The following USP15 variants were observed in gnomAD, a reference collection of about 807,000 sequenced individuals.
USP15 encodes the protein ubiquitin specific peptidase 15, also known as ubiquitin carboxyl-terminal hydrolase 15.
USP15 carries 18 observed loss-of-function variants against 127.1 expected under a neutral mutation model. That is an observed-to-expected ratio of 0.14 (90% CI 0.10 to 0.21). USP15 has a LOEUF of 0.21. Ranked by LOEUF, USP15 falls within the 10% of genes least tolerant of loss-of-function variation. The pLI, the probability that USP15 is intolerant of heterozygous loss-of-function variation, is 1.00. For synonymous variants in USP15, 364 were observed against 393.7 expected, an observed-to-expected ratio of 0.92 and a Z score of 0.89; for missense variants, 805 against 1,159.9, an observed-to-expected ratio of 0.69 and a Z score of 4.44.
chr12:62,300,284 G>C (rs1179718445), intron 2 of USP15, among the ~76,000 whole-genome samples: 2 of 152,094 alleles, frequency 1.3e-5, no homozygotes, highest in East Asian at 1.9e-4. Context: ...AGTTTTGGCT[G>C]TTACATTTAC....
At position 62,411,364 on chromosome 12, in the gene USP15, C is replaced by A. The variant is rs1173828138; in HGVS notation, c.*6989C>A. The stretch of plus-strand genomic sequence containing the variant: ...CTGTTAAGGCCTCTAGAGCTTCATT[C>A]ATTCCTTCATCAAATATTTTTTGAG... On this transcript the variant is annotated 3_prime_UTR_variant, in exon 22 of 22. Transcript: ENST00000280377. 1 of 152,104 alleles carries A rather than the reference C, an allele frequency of 6.6e-6. No individual in the cohort carries two copies. Among genetic ancestry groups the A allele is most frequent in the Non-Finnish European group, 1.5e-5 (1 of 68,028 alleles). The allele number at this position is 152,104 out of a possible 1,614,324, so 9.4% of individuals were successfully genotyped here.
intron 8 of USP15, among the ~76,000 whole-genome samples, chr12:62,366,775 G>A (rs1048366465): frequency 6.6e-6 from 1 of 152,096 alleles, no homozygotes; most frequent in African/African-American, 2.4e-5. Flanking sequence ...GTTGAATTTT[G>A]TCGAAGGCCT....
Position 62,404,359 on chromosome 12 carries a change from G to C in USP15, c.2930G>C (p.Cys977Ser), listed in dbSNP as rs775041246. ...GACAATGATATAGAAAATGAAAACT[G>C]TATGCACACTAACTAATGAAAGTCC... ...DNDNDIENEN[C>S]MHTN Residue 977 changes from cysteine to serine, a missense_variant, in exon 22 of 22, where the codon TGT becomes TCT. Transcript: ENST00000280377. The C allele has an allele frequency of 1.2e-6, 2 of 1,603,780 alleles. No homozygotes were observed. The highest frequency in any genetic ancestry group is 1.7e-6 in the Non-Finnish European group (2 of 1,174,598).
chr12:62,334,052 A>T (rs2065382645), intron 6 of USP15: 2 of 152,170 alleles, frequency 1.3e-5, no homozygotes, highest in South Asian at 4.1e-4. Context: ...CTCCAGCAAA[A>T]GAGGGGGTCG....
At chr12:62,333,347 G>C (rs1195288312) in intron 6 of USP15, among the ~76,000 whole-genome samples, 1 of 152,154 alleles carries the variant, frequency 6.6e-6, no homozygotes, top group African/African-American at 2.4e-5. Context: ...GCTCACTGTA[G>C]CCTCAAATTC....
intron 17 of USP15, 117 bp from the exon 18 acceptor site, chr12:62,392,155 C>G: frequency 1.3e-6 from 1 of 769,078 alleles, no homozygotes; most frequent in Non-Finnish European, 2.1e-6. Flanking sequence ...CTGAAATAAG[C>G]TTTATGATTC....
intron 20 of USP15, 131 bp downstream of exon 20, chr12:62,396,529 A>G (rs758544992): frequency 3.0e-5 from 23 of 756,414 alleles, no homozygotes; most frequent in Non-Finnish European, 8.6e-6. Flanking sequence ...TTCAGTATTG[A>G]TTAATGAATG....
intron 1 of USP15, among the ~76,000 whole-genome samples, chr12:62,284,825 T>G (rs986117064): frequency 2.6e-5 from 4 of 151,126 alleles, no homozygotes; most frequent in African/African-American, 9.7e-5. Flanking sequence ...ATGTTTTAGG[T>G]TTTTTTTTAA....
At chr12:62,358,927 G>A (rs541214233) in intron 8 of USP15, among the ~76,000 whole-genome samples, 1 of 152,166 alleles carries the variant, frequency 6.6e-6, no homozygotes, top group Non-Finnish European at 1.5e-5. Context: ...TATCCCCAAG[G>A]TGGAGAGGGG....
At chr12:62,307,770 A>G (rs888439916) in intron 3 of USP15, among the ~76,000 whole-genome samples, 2 of 152,168 alleles carry the variant, frequency 1.3e-5, no homozygotes, top group Non-Finnish European at 2.9e-5. Flanking sequence ...CATCTTGGTT[A>G]TCAATCTACT....
At chr12:62,383,681 T>TAC in intron 9 of USP15, among the ~76,000 whole-genome samples, 159 bp from the exon 10 acceptor site, 1 of 152,094 alleles carries the variant, frequency 6.6e-6, no homozygotes, top group African/African-American at 2.4e-5. Flanking sequence ...TGAAAATATC[T>TAC]ACAAATGACC....
In USP15 at chr12:62,393,061, C is replaced by T. The variant is rs778646172; in HGVS notation, c.2429C>T (p.Pro810Leu). The change falls in exon 19 of 22, where the codon CCG becomes CTG. Residue 810 changes from proline to leucine, a missense_variant. By Grantham distance (98) the Pro-to-Leu change is moderately conservative. Transcript: ENST00000280377. Reference protein sequence around the residue: ...KLGAEDPWYCPNCKEHQQATK... With the variant: ...KLGAEDPWYCLNCKEHQQATK... ...CTTCTGTTTATTCTTAGGTATTGTC[C>T]GAATTGTAAAGAACATCAGCAAGCC... The T allele has an allele frequency of 6.2e-7, 1 of 1,612,726 alleles. No individual in the cohort carries two copies. Among genetic ancestry groups the T allele is most frequent in the Non-Finnish European group, 8.5e-7 (1 of 1,179,466 alleles).
At chr12:62,370,910 C>G (rs1033179276) in intron 8 of USP15, among the ~76,000 whole-genome samples, 1 of 152,116 alleles carries the variant, frequency 6.6e-6, no homozygotes, top group Admixed American at 6.5e-5. Flanking sequence ...CCCAGTAACC[C>G]AAGTCAAAAA....
intron 4 of USP15, 113 bp from the exon 5 acceptor site, chr12:62,321,351 G>T: frequency 1.6e-6 from 1 of 614,860 alleles, no homozygotes; most frequent in Non-Finnish European, 2.5e-6. Context: ...TACATATTTA[G>T]TCTTGATTTT....
intron 6 of USP15, chr12:62,336,786 C>T (rs1355075973): frequency 2.6e-5 from 4 of 153,934 alleles, no homozygotes; most frequent in African/African-American, 9.7e-5. Flanking sequence ...TATTGTAATA[C>T]AATGTTTGGG....
intron 2 of USP15, among the ~76,000 whole-genome samples, chr12:62,298,351 C>T (rs1305647350): frequency 6.6e-6 from 1 of 151,944 alleles, no homozygotes; most frequent in Non-Finnish European, 1.5e-5. Flanking sequence ...ATGGTGAAAC[C>T]TTGTCTCTAG....
intron 7 of USP15, among the ~76,000 whole-genome samples, chr12:62,351,655 TAG>T (rs2065970781): frequency 1.3e-5 from 2 of 152,142 alleles, no homozygotes; most frequent in Admixed American, 6.6e-5. Context: ...TGAGAGAAAT[TAG>T]AGTCTTAAGT....
chr12:62,395,942 A>C (rs2067476479), intron 19 of USP15, among the ~76,000 whole-genome samples: 1 of 152,086 alleles, frequency 6.6e-6, no homozygotes, highest in South Asian at 2.1e-4. Context: ...TAGTTTCGTC[A>C]AATCAACAAG....
chr12:62,289,904 T>A (rs960943389), intron 1 of USP15, among the ~76,000 whole-genome samples: 36 of 152,134 alleles, frequency 2.4e-4, no homozygotes, highest in African/African-American at 8.2e-4. Context: ...AATTTCCATG[T>A]ATTTGTATAG....
Sources: gnomAD v4.1 joint callset for allele counts (sites outside exome capture counted in the v4.1 genomes callset) on GRCh38, gnomAD v4.1.1 for gene constraint, MANE v1.5 for transcripts, NCBI Gene and HGNC (gene_info 2026-07-23, HGNC 2026-07-21) for gene names.